Variants in SCARB1 observed in about 807,000 individuals in gnomAD.
SCARB1 encodes scavenger receptor class B member 1, also known as CD36 and LIMPII analogous 1.
SCARB1 carries 30 observed loss-of-function variants against 57.2 expected under a neutral mutation model. The ratio of observed to expected loss-of-function variants is 0.52; its 90% CI spans 0.39 to 0.71. The LOEUF is 0.71. Ranked by LOEUF, SCARB1 falls within the 30% of genes least tolerant of loss-of-function variation. SCARB1 has a pLI of 0.00. For synonymous variants in SCARB1, 249 were observed against 268.3 expected (o/e 0.93, Z 0.70); for missense variants, 543 against 671.2 (o/e 0.81, Z 2.11).
intron 12 of SCARB1, among the ~76,000 whole-genome samples, chr12:124,781,928 C>T (rs890253881): frequency 5.3e-5 from 8 of 152,126 alleles, no homozygotes; most frequent in East Asian, 1.9e-4. Context: ...TTTTTTGAGA[C>T]GGAGTCTCAC....
chr12:124,786,399 G>A lies in SCARB1; in HGVS notation c.1359C>T (p.Cys453=), dbSNP rs764459209. The part of the protein sequence containing the change: ...YAQYVLLALG[C]VLLLVPVICQ... ...AGATGACAGGGACCAGCAGCAGGAC[G>A]CAGCCCAGCGCCAGGAGGACGTACT... The change falls in exon 11 of 13, where the codon TGC becomes TGT. Residue 453 remains cysteine, a synonymous_variant. Transcript: ENST00000261693. 3.7e-6 allele frequency: 6 copies of A among 1,614,030 alleles called. No homozygotes were observed. Among genetic ancestry groups the A allele is most frequent in the African/African-American group, 1.3e-5 (1 of 74,940 alleles).
Position 124,827,989 on chromosome 12 carries a change from A to G in SCARB1, c.127-10282T>C, listed in dbSNP as rs76425746. On this transcript the variant is annotated intron_variant, in intron 1 of 12. Transcript: ENST00000261693. Reference sequence around the variant, plus strand: ...CCTGGGACAGCTCTTGGCACCTTGCAGGAGCTCTGTAAATATTTTCTGGGT... The same window carrying G: ...CCTGGGACAGCTCTTGGCACCTTGCGGGAGCTCTGTAAATATTTTCTGGGT... Among the ~76,000 whole-genome samples the G allele has an allele frequency of 4.6e-3, 702 of 152,272 alleles. 10 individuals are homozygous for G. Among genetic ancestry groups the G allele is most frequent in the African/African-American group, 0.016 (666 of 41,552 alleles).
At chr12:124,820,716 T>C (rs1950921406) in intron 1 of SCARB1, among the ~76,000 whole-genome samples, 1 of 151,942 alleles carries the variant, frequency 6.6e-6, no homozygotes, top group Non-Finnish European at 1.5e-5. Context: ...AAACACAGCA[T>C]CAAAACCCAG....
In SCARB1 at chr12:124,789,743, T is replaced by C. The variant is rs1949655074; in HGVS notation, c.1203-2286A>G. Reference sequence around the variant, plus strand: ...TTTAAAAAGAGGGGCTGGGGCGTGGTGGCTCACGCCTGTAATCCCAGCACT... The same window carrying C: ...TTTAAAAAGAGGGGCTGGGGCGTGGCGGCTCACGCCTGTAATCCCAGCACT... On this transcript the variant is annotated intron_variant, in intron 9 of 12. Coordinates refer to ENST00000261693, the MANE Select transcript of SCARB1 (RefSeq NM_005505.5). This position sits in a 1 kb window ranked among gnomAD's most constrained non-coding sequence, Gnocchi z 4.4. 6.6e-6 allele frequency among the ~76,000 whole-genome samples: 1 copy of C among 152,236 alleles called. No homozygotes were observed. The highest frequency in any genetic ancestry group is 2.1e-4 in the South Asian group (1 of 4,834).
chr12:124,841,263 G>T (rs966573356), intron 1 of SCARB1, among the ~76,000 whole-genome samples: 2 of 151,914 alleles, frequency 1.3e-5, no homozygotes, highest in African/African-American at 4.8e-5. Context: ...TCCCAGCTAC[G>T]CGGGAGGCTG....
intron 1 of SCARB1, among the ~76,000 whole-genome samples, chr12:124,836,057 TCATTTCAACCCTG>T (rs1196091828): frequency 6.6e-6 from 1 of 152,228 alleles, no homozygotes; most frequent in East Asian, 1.9e-4. Context: ...AGTCATTCAT[TCATTTCAACCCTG>T]CCTGAGCATC....
intron 1 of SCARB1, among the ~76,000 whole-genome samples, chr12:124,837,548 G>GA (rs1566231899): frequency 8.3e-5 from 1 of 11,992 alleles, no homozygotes; most frequent in African/African-American, 2.0e-4. Context: ...GAAAAGAAAA[G>GA]AAAAGAAAAG....
intron 1 of SCARB1, among the ~76,000 whole-genome samples, chr12:124,836,090 C>T (rs757307703): frequency 3.9e-5 from 6 of 152,196 alleles, no homozygotes; most frequent in Non-Finnish European, 7.3e-5. Flanking sequence ...CCAAAGCGGG[C>T]GATCAGTGCT....
chr12:124,813,022 C>T (rs752988393), intron 4 of SCARB1, among the ~76,000 whole-genome samples: 2 of 152,082 alleles, frequency 1.3e-5, no homozygotes, highest in Admixed American at 6.6e-5. Context: ...TTATAATGGA[C>T]GGAGAGCATC....
chr12:124,800,036 G>T lies in SCARB1; in HGVS notation c.1128+88C>A. On this transcript the variant is annotated intron_variant, in intron 8 of 12. Transcript: ENST00000261693. This position sits in a 1 kb window ranked among gnomAD's most constrained non-coding sequence, Gnocchi z 4.8. Reference sequence around the variant, plus strand: ...AGGCTTCCCACCACCCCAGCCCACAGCAGCTCTCTGCCTGGGGAGAGAGGA... The same window carrying T: ...AGGCTTCCCACCACCCCAGCCCACATCAGCTCTCTGCCTGGGGAGAGAGGA... 9.9e-7 allele frequency: 1 copy of T among 1,011,024 alleles called. No homozygotes were observed. The highest frequency in any genetic ancestry group is 1.6e-6 in the Non-Finnish European group (1 of 633,596). 62.6% of individuals were successfully genotyped at this position (1,011,024 alleles called of 1,614,324 possible). A position where few individuals can be genotyped will look rare whatever the true frequency, so the allele number is the denominator to read the frequency against.
At chr12:124,799,213 T>A (rs902609058) in intron 8 of SCARB1, among the ~76,000 whole-genome samples, 1 of 152,186 alleles carries the variant, frequency 6.6e-6, no homozygotes, top group Non-Finnish European at 1.5e-5. Context: ...AATAGACAGC[T>A]TTTCTTCTTC....
At chr12:124,809,528 A>G (rs1950447886) in intron 6 of SCARB1, among the ~76,000 whole-genome samples, 1 of 152,228 alleles carries the variant, frequency 6.6e-6, no homozygotes, top group Admixed American at 6.5e-5. Context: ...CATTTGCCTG[A>G]GTTGCCCTGA....
At chr12:124,833,187 C>A (rs974030664) in intron 1 of SCARB1, among the ~76,000 whole-genome samples, 3 of 128,876 alleles carry the variant, frequency 2.3e-5, no homozygotes, top group Admixed American at 8.5e-5. Flanking sequence ...ATCTCAAGAT[C>A]CTTAACTTTT....
chr12:124,841,554 C>A (rs190668068), intron 1 of SCARB1, among the ~76,000 whole-genome samples: 1 of 151,922 alleles, frequency 6.6e-6, no homozygotes, highest in African/African-American at 2.4e-5. Flanking sequence ...GAATTGAAAA[C>A]CAAATCTGAA....
At chr12:124,784,536 T>C (rs956296485) in intron 11 of SCARB1, 1 of 152,280 alleles carries the variant, frequency 6.6e-6, no homozygotes, top group Non-Finnish European at 1.5e-5. Context: ...GAATGCTTTA[T>C]TGTCACCCAG....
intron 12 of SCARB1, 61 bp from the exon 13 acceptor site, chr12:124,778,647 C>T (rs1265158978): frequency 4.3e-6 from 5 of 1,149,654 alleles, no homozygotes; most frequent in South Asian, 2.1e-5. Flanking sequence ...CCACCCTCAT[C>T]CCCGCCCACC....
intron 7 of SCARB1, among the ~76,000 whole-genome samples, chr12:124,804,058 C>T (rs838908): frequency 0.18 from 27,172 of 152,196 alleles, 4,746 homozygotes; most frequent in East Asian, 0.48. Flanking sequence ...CCTACACCCC[C>T]ACTTTAAGCC....
At position 124,814,751 on chromosome 12, in the gene SCARB1, A is replaced by T. The variant is rs1437542879; in HGVS notation, c.426+222T>A. ...GTAAATTGAAAAGGGAAAAAAAAGT[A>T]CTTTGGCCAGGACTTCCAAACCAAG... On this transcript the variant is annotated intron_variant, in intron 3 of 12. Transcript: ENST00000261693. The surrounding 1 kb of genome is among the most constrained non-coding windows in gnomAD (Gnocchi z 4.7). Among the ~76,000 whole-genome samples, 2 of 152,214 alleles carry T rather than the reference A, an allele frequency of 1.3e-5. No individual in the cohort carries two copies. The highest frequency in any genetic ancestry group is 2.9e-5 in the Non-Finnish European group (2 of 68,040).
rs5889 is a variant in SCARB1 at position 124,814,331 on chromosome 12, G to A, written c.501C>T (p.Gly167=). Residue 167 remains glycine (G), a synonymous_variant, in exon 4 of 13, where the codon GGC becomes GGT. Transcript: ENST00000261693. The surrounding 1 kb of genome is among the most constrained non-coding windows in gnomAD (Gnocchi z 4.7). ...LIMTLAFTTL[G]ERAFMNRTVG... The stretch of plus-strand genomic sequence containing the variant: ...CAGTGCGGTTCATGAAGGCACGTTC[G>A]CCGAGGGTGGTGAATGCCAAGGTCA... 37,390 of 1,614,134 alleles carry A rather than the reference G, an allele frequency of 0.023. 5,836 individuals carry two copies. The East Asian group carries it at 0.45, about 19-fold the overall frequency.
Sources: allele counts gnomAD v4.1 joint callset (sites outside exome capture counted in the v4.1 genomes callset), GRCh38; gene constraint gnomAD v4.1.1; non-coding constraint Gnocchi (gnomAD v3.1); transcripts MANE v1.5; gene names NCBI Gene and HGNC (gene_info 2026-07-23, HGNC 2026-07-21).